Variants in HNF1A observed in about 807,000 individuals in gnomAD.
HNF1A encodes HNF1 homeobox A, also known as hepatocyte nuclear factor 1-alpha.
A neutral mutation model predicts 62.2 loss-of-function variants in HNF1A; 21 were observed. The observed-to-expected ratio is 0.34, with a 90% CI of 0.24 to 0.49. The LOEUF is 0.49. Ranked by LOEUF, HNF1A falls within the 20% of genes least tolerant of loss-of-function variation. HNF1A has a pLI of 0.99. For missense variants in HNF1A, 687 were observed against 832.3 expected (o/e 0.83, Z 2.15); for synonymous variants, 374 against 366.8 (o/e 1.02, Z -0.22).
In HNF1A at chr12:120,996,675, C is replaced by T. The variant is rs1877119618; in HGVS notation, c.1242C>T (p.Ile414=). The T allele has an allele frequency of 1.9e-6, 3 of 1,614,100 alleles. 1 individual carries two copies. Among genetic ancestry groups the T allele is most frequent in the South Asian group, 2.2e-5 (2 of 91,078 alleles). The change falls in exon 6 of 10, where the codon ATC becomes ATT. Residue 414 remains isoleucine (I), a synonymous_variant. Coordinates refer to ENST00000257555, the MANE Select transcript of HNF1A (RefSeq NM_000545.8). The surrounding 1 kb of genome is among the most constrained non-coding windows in gnomAD (Gnocchi z 4.5). ...IMASLPGVMT[I]GPGEPASLGP... ...CCTCACTTCCTGGGGTCATGACCAT[C>T]GGGCCTGGTGAGCCTGCCTCCCTGG...
At chr12:121,000,947 T>C (rs1231750039) in intron 9 of HNF1A, 118 bp from the exon 10 acceptor site, 6 of 1,394,096 alleles carry the variant, frequency 4.3e-6, no homozygotes, top group Non-Finnish European at 6.0e-6. Context: ...GTTCCTGTTA[T>C]CTGCTGTGAT....
chr12:120,985,006 C>T (rs112026919), intron 1 of HNF1A, among the ~76,000 whole-genome samples: 6,107 of 145,870 alleles, frequency 0.042, 153 homozygotes, highest in South Asian at 0.096. Context: ...AGTGCAGTGG[C>T]GCGATCACAG....
chr12:120,982,460 AG>A (rs1007580596), intron 1 of HNF1A, among the ~76,000 whole-genome samples: 9 of 151,380 alleles, frequency 5.9e-5, no homozygotes, highest in African/African-American at 2.0e-4. Flanking sequence ...CCACGGCAGG[AG>A]GGGGGGGGGA....
chr12:120,990,740 G>A (rs1183213186), intron 2 of HNF1A, among the ~76,000 whole-genome samples: 1 of 151,326 alleles, frequency 6.6e-6, no homozygotes, highest in African/African-American at 2.4e-5. Flanking sequence ...AGAAAGAAAG[G>A]CAATACACAT....
intron 1 of HNF1A, among the ~76,000 whole-genome samples, chr12:120,987,369 G>C (rs1876563160): frequency 6.6e-6 from 1 of 151,586 alleles, no homozygotes; most frequent in Admixed American, 6.6e-5. Flanking sequence ...CAGCTACTTG[G>C]GAGGCTGAGG....
intron 2 of HNF1A, among the ~76,000 whole-genome samples, chr12:120,992,343 T>C (rs1432755849): frequency 1.3e-5 from 2 of 152,234 alleles, no homozygotes; most frequent in African/African-American, 2.4e-5. Context: ...AGCTCTTCTT[T>C]TCAGCTACTT....
intron 7 of HNF1A, chr12:120,998,066 G>T: frequency 2.3e-6 from 1 of 441,180 alleles, no homozygotes; most frequent in South Asian, 2.2e-5. Context: ...GATCACTTGA[G>T]GTCAGGAGTT....
At chr12:120,992,751 G>A (rs2135837929) in intron 2 of HNF1A, among the ~76,000 whole-genome samples, 1 of 152,278 alleles carries the variant, frequency 6.6e-6, no homozygotes, top group South Asian at 2.1e-4. Context: ...GGCAACAGAA[G>A]GAGACCCCAT....
Position 120,978,669 on chromosome 12 carries a change from T to C in HNF1A, c.-100T>C. On this transcript the variant is annotated 5_prime_UTR_variant, in exon 1 of 10. Coordinates refer to ENST00000257555, the MANE Select transcript of HNF1A (RefSeq NM_000545.8). ...GGGGGGGCAGTGGGTGCAAGGAGTT[T>C]GGTTTGTGTCTGCCGGCCGGCAGGC... 1.8e-6 allele frequency: 2 copies of C among 1,139,938 alleles called. No homozygotes were observed. Among genetic ancestry groups the C allele is most frequent in the Non-Finnish European group, 2.6e-6 (2 of 759,676 alleles). The allele number at this position is 1,139,938 out of a possible 1,614,324, so 70.6% of individuals were successfully genotyped here.
In HNF1A at chr12:120,999,330, A is replaced by G. The variant is rs1446204962; in HGVS notation, c.1564A>G (p.Met522Val). 5.0e-6 allele frequency: 8 copies of G among 1,613,800 alleles called. No homozygotes were observed. Among genetic ancestry groups the G allele is most frequent in the African/African-American group, 2.7e-5 (2 of 74,898 alleles). ...CCACACGGGCCTGCTCCCGCAGACT[A>G]TGCTCATCACCGACACCACCAACCT... Reference protein sequence around the residue: ...YTHTGLLPQTMLITDTTNLSA... With the variant: ...YTHTGLLPQTVLITDTTNLSA... The change falls in exon 8 of 10, where the codon ATG (methionine) becomes GTG (valine). Residue 522 changes from methionine to valine, a missense_variant. By Grantham distance (21) the Met-to-Val change is conservative. Around this residue, in one of 5 missense-constraint regions of HNF1A, gnomAD observed 408 missense variants for 455.3 expected, o/e 0.90. Coordinates refer to ENST00000257555, the MANE Select transcript of HNF1A (RefSeq NM_000545.8).
At chr12:120,998,900 G>A (rs556199155) in intron 7 of HNF1A, among the ~76,000 whole-genome samples, 14 of 152,066 alleles carry the variant, frequency 9.2e-5, no homozygotes, top group African/African-American at 3.1e-4. Flanking sequence ...AGTACATAGC[G>A]CCTGCATTTA....
intron 1 of HNF1A, 70 bp downstream of exon 1, chr12:120,979,164 C>G: frequency 7.1e-7 from 1 of 1,402,876 alleles, no homozygotes; most frequent in Non-Finnish European, 9.9e-7. Context: ...CTAACGAGCC[C>G]CCCTTCTGAG....
At chr12:120,987,804 A>G (rs1164308104) in intron 1 of HNF1A, among the ~76,000 whole-genome samples, 1 of 150,868 alleles carries the variant, frequency 6.6e-6, no homozygotes, top group South Asian at 2.1e-4. Context: ...CTATCTATCT[A>G]TCTATCTACG....
intron 1 of HNF1A, among the ~76,000 whole-genome samples, chr12:120,988,585 AC>A (rs1876652841): frequency 6.6e-6 from 1 of 152,184 alleles, no homozygotes; most frequent in African/African-American, 2.4e-5. Flanking sequence ...GCCTGTGTCC[AC>A]GTTTGTCATG....
chr12:120,997,242 GCCTGCCTCTCCCA>G, intron 6 of HNF1A: 1 of 1,428,200 alleles, frequency 7.0e-7, no homozygotes. Flanking sequence ...ACAAGTCACC[GCCTGCCTCTCCCA>G]CTAGCCTAGA....
At chr12:120,981,635 C>G (rs1876253481) in intron 1 of HNF1A, among the ~76,000 whole-genome samples, 2 of 152,212 alleles carry the variant, frequency 1.3e-5, no homozygotes, top group African/African-American at 2.4e-5. Flanking sequence ...CTCAGAACCT[C>G]TTTCCAGATC....
chr12:121,001,924 T>C lies in HNF1A; in HGVS notation c.*732T>C, dbSNP rs2135856407. 1 of 519,594 alleles carries C rather than the reference T, an allele frequency of 1.9e-6. No homozygotes were observed. Among genetic ancestry groups the C allele is most frequent in the Non-Finnish European group, 3.7e-6 (1 of 267,808 alleles). 32.2% of individuals were successfully genotyped at this position (519,594 alleles called of 1,614,324 possible). A position where few individuals can be genotyped will look rare whatever the true frequency, so the allele number is the denominator to read the frequency against. ...CCTGTATTTGTTCCCAAGAGCATCA[T>C]GCCTCTGAGGCCAGCCTGGCCTCCT... On this transcript the variant is annotated 3_prime_UTR_variant, in exon 10 of 10. Transcript: ENST00000257555.
At position 120,978,684 on chromosome 12, in the gene HNF1A, G is replaced by T; in HGVS notation, c.-85G>T. The T allele has an allele frequency of 7.6e-7, 1 of 1,314,622 alleles. No homozygotes were observed. The allele number at this position is 1,314,622 out of a possible 1,614,324, so 81.4% of individuals were successfully genotyped here. Reference sequence around the variant, plus strand: ...GCAAGGAGTTTGGTTTGTGTCTGCCGGCCGGCAGGCAAACGCAACCCACGC... The same window carrying T: ...GCAAGGAGTTTGGTTTGTGTCTGCCTGCCGGCAGGCAAACGCAACCCACGC... On this transcript the variant is annotated 5_prime_UTR_variant, in exon 1 of 10. Transcript: ENST00000257555.
intron 1 of HNF1A, chr12:120,980,790 T>C (rs1876212486): frequency 6.6e-6 from 1 of 150,520 alleles, no homozygotes; most frequent in South Asian, 2.1e-4. Flanking sequence ...GCAGAGAGTG[T>C]AGAGAGAGGC....
Sources: gnomAD v4.1 joint callset for allele counts (sites outside exome capture counted in the v4.1 genomes callset) on GRCh38, gnomAD v4.1.1 for gene constraint, gnomAD v4.1.1 regional missense constraint, Gnocchi (gnomAD v3.1) non-coding constraint, MANE v1.5 for transcripts, NCBI Gene and HGNC (gene_info 2026-07-23, HGNC 2026-07-21) for gene names.